Variants in RPH3AL observed in about 807,000 individuals in gnomAD.
RPH3AL encodes rab effector Noc2.
A neutral mutation model predicts 43.1 loss-of-function variants in RPH3AL; 38 were observed. The ratio of observed to expected loss-of-function variants is 0.88; its 90% CI spans 0.68 to 1.15. RPH3AL has a LOEUF of 1.15. RPH3AL is among the 50% of genes most tolerant of loss of function. The pLI is 0.00. For missense variants in RPH3AL, 462 were observed against 423.2 expected, an observed-to-expected ratio of 1.09 and a Z score of -0.81; for synonymous variants, 189 against 176.3, an observed-to-expected ratio of 1.07 and a Z score of -0.57.
intron 5 of RPH3AL, among the ~76,000 whole-genome samples, chr17:297,939 C>T (rs746019290): frequency 3.9e-5 from 6 of 152,264 alleles, no homozygotes; most frequent in Middle Eastern, 3.4e-3. Context: ...GACACACGGA[C>T]GAACATGCAA....
At chr17:349,786 G>T (rs1439135885) in intron 1 of RPH3AL, among the ~76,000 whole-genome samples, 1 of 152,112 alleles carries the variant, frequency 6.6e-6, no homozygotes, top group Non-Finnish European at 1.5e-5. Context: ...TCGAGTCCAG[G>T]ATTATGCAAC....
intron 5 of RPH3AL, among the ~76,000 whole-genome samples, chr17:303,332 C>T (rs946394554): frequency 7.2e-5 from 11 of 151,902 alleles, no homozygotes; most frequent in African/African-American, 2.2e-4. Flanking sequence ...GTGAGGCTGC[C>T]GTGAGCTAAG....
chr17:236,978 C>T (rs1041588199), intron 7 of RPH3AL, among the ~76,000 whole-genome samples: 1 of 152,224 alleles, frequency 6.6e-6, no homozygotes, highest in African/African-American at 2.4e-5. Flanking sequence ...TCCATTCCAC[C>T]GTCTGTAGCT....
At chr17:271,948 T>C (rs961196892) in intron 6 of RPH3AL, among the ~76,000 whole-genome samples, 1 of 152,088 alleles carries the variant, frequency 6.6e-6, no homozygotes, top group Non-Finnish European at 1.5e-5. Flanking sequence ...GGGCAAAGGA[T>C]AAGAACAGAC....
intron 5 of RPH3AL, among the ~76,000 whole-genome samples, chr17:304,996 A>G (rs112624468): frequency 0.023 from 109 of 4,720 alleles, 7 homozygotes; most frequent in East Asian, 0.22. Flanking sequence ...GGACAGGGCG[A>G]GAGGGGACAG....
rs561748075 is a variant in RPH3AL, at chr17:244,886, T to A, written c.613+2225A>T. ...GTGTGTGCATATGAGTGCGAGTGTG[T>A]GTGCGTGTGAATCAGCATGTAAGCT... On this transcript the variant is annotated intron_variant, in intron 7 of 9. Coordinates refer to ENST00000331302, the MANE Select transcript of RPH3AL (RefSeq NM_006987.4). 8.5e-5 allele frequency among the ~76,000 whole-genome samples: 13 copies of A among 152,290 alleles called. No individual in the cohort carries two copies. In the South Asian group the frequency reaches 2.7e-3, roughly 32 times the overall value.
chr17:334,317 T>C (rs1293788312), intron 1 of RPH3AL, among the ~76,000 whole-genome samples: 1 of 152,202 alleles, frequency 6.6e-6, no homozygotes, highest in African/African-American at 2.4e-5. Context: ...CTCTAACACG[T>C]ATCAGACTTT....
In RPH3AL at chr17:328,908, T is replaced by C. The variant is rs553901171; in HGVS notation, c.-36-1329A>G. 1.3e-5 allele frequency among the ~76,000 whole-genome samples: 2 copies of C among 152,278 alleles called. No homozygotes were observed. The highest frequency in any genetic ancestry group is 4.1e-4 in the South Asian group (2 of 4,822). ...AAAGACCACGTATTGTATGATTCCG[T>C]TTATACAGTGTGTCCAGAATAAGCA... On this transcript the variant is annotated intron_variant, in intron 2 of 9. Transcript: ENST00000331302. This position sits in a 1 kb window ranked among gnomAD's most constrained non-coding sequence, Gnocchi z 4.2.
Position 321,986 on chromosome 17 carries a change from G to A in RPH3AL, c.78-571C>T, listed in dbSNP as rs118165994. 1.1e-4 allele frequency among the ~76,000 whole-genome samples: 17 copies of A among 152,362 alleles called. No individual in the cohort carries two copies. The East Asian group carries it at 2.5e-3, about 22-fold the overall frequency. ...TCGGAGCTCCGTAAGGTAGTGAGAC[G>A]GAGTTCACCAGGGGACAGGAAAGCC... On this transcript the variant is annotated intron_variant, in intron 3 of 9. Transcript: ENST00000331302.
At position 319,463 on chromosome 17, in the gene RPH3AL, C is replaced by A. The variant is rs1381506545; in HGVS notation, c.308G>T (p.Gly103Val). ...GAACACCGACGAGCTGCCCAGGAAG[C>A]CCAGCACCTCCCCGCAGAGCAGACA... is the stretch of plus-strand genomic sequence containing the variant. The part of the protein sequence containing the change: ...SQCLLCGEVL[G>V]FLGSSSVFCK... Residue 103 changes from glycine to valine, a missense_variant, in exon 5 of 10, where the codon GGC (glycine) becomes GTC (valine). By Grantham distance (109) the Gly-to-Val change is moderately radical. Coordinates refer to ENST00000331302, the MANE Select transcript of RPH3AL (RefSeq NM_006987.4). The A allele has an allele frequency of 2.5e-6, 4 of 1,612,512 alleles. No individual in the cohort carries two copies. The highest frequency in any genetic ancestry group is 3.4e-6 in the Non-Finnish European group (4 of 1,179,926).
rs1171463620 is a variant in RPH3AL at position 212,763 on chromosome 17, A to G, written c.*1089T>C. 1.3e-5 allele frequency: 2 copies of G among 151,970 alleles called. No individual in the cohort carries two copies. The highest frequency in any genetic ancestry group is 2.9e-5 in the Non-Finnish European group (2 of 67,998). 9.4% of individuals were successfully genotyped at this position (151,970 alleles called of 1,614,324 possible). A position where few individuals can be genotyped will look rare whatever the true frequency, so the allele number is the denominator to read the frequency against. ...TCCAGAAGCATTTGCCCATACTCTG[A>G]ATGAAGTATTTTCATGCCAAGCCAA... On this transcript the variant is annotated 3_prime_UTR_variant, in exon 10 of 10. Transcript: ENST00000331302.
At chr17:250,936 G>T (rs1356375674) in intron 6 of RPH3AL, among the ~76,000 whole-genome samples, 1 of 152,260 alleles carries the variant, frequency 6.6e-6, no homozygotes, top group Non-Finnish European at 1.5e-5. Context: ...CCTTTACTAA[G>T]CTCAGGTGCA....
At chr17:230,561 C>T (rs748278179) in intron 7 of RPH3AL, among the ~76,000 whole-genome samples, 80 of 152,334 alleles carry the variant, frequency 5.3e-4, no homozygotes, top group Non-Finnish European at 9.7e-4. Context: ...GTGGACTCCT[C>T]TGGGGCCAGG....
Position 318,121 on chromosome 17 carries a change from G to A in RPH3AL, c.351+1299C>T, listed in dbSNP as rs576069691. Among the ~76,000 whole-genome samples the A allele has an allele frequency of 5.3e-5, 8 of 152,170 alleles. No homozygotes were observed. The East Asian group carries it at 5.8e-4, about 11-fold the overall frequency. Reference sequence around the variant, plus strand: ...CTAGCAGCCAGGCACGGTGGCTCACGCCTGTAATCCCAGCAGTTTGGGAGG... The same window carrying A: ...CTAGCAGCCAGGCACGGTGGCTCACACCTGTAATCCCAGCAGTTTGGGAGG... On this transcript the variant is annotated intron_variant, in intron 5 of 9. Transcript: ENST00000331302.
chr17:282,156 A>G (rs2042795979), intron 5 of RPH3AL, among the ~76,000 whole-genome samples: 1 of 152,158 alleles, frequency 6.6e-6, no homozygotes, highest in African/African-American at 2.4e-5. Flanking sequence ...TGGAAACAAC[A>G]CAGACGCCCA....
intron 6 of RPH3AL, among the ~76,000 whole-genome samples, chr17:262,990 A>G (rs1440623236): frequency 6.6e-6 from 1 of 152,202 alleles, no homozygotes; most frequent in African/African-American, 2.4e-5. Context: ...CCTCTCAGGA[A>G]CTGTGAGCAA....
intron 3 of RPH3AL, among the ~76,000 whole-genome samples, chr17:324,991 T>C (rs747490514): frequency 6.6e-6 from 1 of 152,198 alleles, no homozygotes; most frequent in Non-Finnish European, 1.5e-5. Context: ...CCCAAAGTGC[T>C]GGGATTACAG....
At chr17:301,853 C>T (rs531366424) in intron 5 of RPH3AL, among the ~76,000 whole-genome samples, 1 of 152,278 alleles carries the variant, frequency 6.6e-6, no homozygotes, top group African/African-American at 2.4e-5. Flanking sequence ...GGGAGTCATC[C>T]CTCTGAGCGT....
intron 6 of RPH3AL, among the ~76,000 whole-genome samples, chr17:251,054 G>A (rs992900529): frequency 2.0e-5 from 3 of 152,188 alleles, no homozygotes; most frequent in Admixed American, 6.5e-5. Flanking sequence ...GCATGGACTC[G>A]GCACTTAACT....
Sources: allele counts gnomAD v4.1 joint callset (sites outside exome capture counted in the v4.1 genomes callset), GRCh38; gene constraint gnomAD v4.1.1; non-coding constraint Gnocchi (gnomAD v3.1); transcripts MANE v1.5; gene names NCBI Gene and HGNC (gene_info 2026-07-23, HGNC 2026-07-21).